The following KMT5B variants were observed in gnomAD, a reference collection of about 807,000 sequenced individuals.
The protein encoded by KMT5B is histone-lysine N-methyltransferase KMT5B.
KMT5B carries 10 observed loss-of-function variants against 83.2 expected under a neutral mutation model. That is an observed-to-expected ratio of 0.12 (90% CI 0.07 to 0.20). KMT5B has a LOEUF of 0.20. KMT5B is among the 10% of genes least tolerant of loss of function. The pLI is 1.00. For synonymous variants in KMT5B, 349 were observed against 388.8 expected (o/e 0.90, Z 1.20); for missense variants, 753 against 1,067.2 (o/e 0.71, Z 4.10).
At chr11:68,211,759 C>T (rs1165246723) in intron 1 of KMT5B, among the ~76,000 whole-genome samples, 1 of 152,098 alleles carries the variant, frequency 6.6e-6, no homozygotes, top group Non-Finnish European at 1.5e-5. Flanking sequence ...CCGGGCAGGG[C>T]ACGGCCGACA....
At chr11:68,200,642 A>T (rs1465800124) in intron 1 of KMT5B, among the ~76,000 whole-genome samples, 2 of 152,208 alleles carry the variant, frequency 1.3e-5, no homozygotes, top group African/African-American at 4.8e-5. Flanking sequence ...AGGTTAGTTA[A>T]TTTGAGAAGG....
chr11:68,162,092 C>T (rs1261976585), intron 10 of KMT5B, among the ~76,000 whole-genome samples: 2 of 152,186 alleles, frequency 1.3e-5, no homozygotes, highest in Admixed American at 6.5e-5. Context: ...CACCATGTGC[C>T]GTGGAGTCCA....
intron 3 of KMT5B, among the ~76,000 whole-genome samples, chr11:68,184,440 A>G (rs1366682119): frequency 6.6e-6 from 1 of 152,222 alleles, no homozygotes; most frequent in Non-Finnish European, 1.5e-5. Context: ...CTTCTTTTGG[A>G]TTTAGACTGT....
rs1197553233 is a variant in KMT5B, at chr11:68,155,527, G to T, written c.*2161C>A. ...TTTTAAGATCGAAATTCCCAAAATA[G>T]CTATCGTTGGTATTCAAATAAGGTT... On this transcript the variant is annotated 3_prime_UTR_variant, in exon 11 of 11. Coordinates refer to ENST00000304363, the MANE Select transcript of KMT5B (RefSeq NM_017635.5). 1 of 152,158 alleles carries T rather than the reference G, an allele frequency of 6.6e-6. No individual in the cohort carries two copies. Among genetic ancestry groups the T allele is most frequent in the Non-Finnish European group, 1.5e-5 (1 of 68,026 alleles). 9.4% of individuals were successfully genotyped at this position (152,158 alleles called of 1,614,324 possible).
intron 1 of KMT5B, among the ~76,000 whole-genome samples, chr11:68,197,335 G>A (rs1858845906): frequency 6.6e-6 from 1 of 152,174 alleles, no homozygotes; most frequent in African/African-American, 2.4e-5. Flanking sequence ...ATTTGGGGAT[G>A]AGGCCCAGCA....
In KMT5B at chr11:68,159,171, G is replaced by C; in HGVS notation, c.1175C>G (p.Thr392Ser). 6.4e-7 allele frequency: 1 copy of C among 1,560,520 alleles called. No individual in the cohort carries two copies. Among genetic ancestry groups the C allele is most frequent in the South Asian group, 1.2e-5 (1 of 81,594 alleles). ...ADTTQEKNNA[T>S]SNRKSSVGVK... The stretch of plus-strand genomic sequence containing the variant: ...GCCAACTGAAGATTTTCGGTTAGAA[G>C]CTGTAAGGTTAAAGAGAAAAAGGTG... The change falls in exon 11 of 11, where the codon ACT becomes AGT. Residue 392 changes from threonine (T) to serine (S), a missense_variant and splice_region_variant. Thr to Ser is a moderately conservative substitution (Grantham distance 58, BLOSUM62 1). Around this residue, in one of 9 missense-constraint regions of KMT5B, gnomAD observed 397 missense variants for 395.9 expected, o/e 1.00. Coordinates refer to ENST00000304363, the MANE Select transcript of KMT5B (RefSeq NM_017635.5).
chr11:68,165,914 T>C (rs768932403), intron 10 of KMT5B: 22 of 1,612,760 alleles, frequency 1.4e-5, no homozygotes, highest in South Asian at 5.5e-5. Context: ...ACATTCACCA[T>C]CATGGGAAAC....
Position 68,171,892 on chromosome 11 carries a change from G to A in KMT5B, c.654-183C>T, listed in dbSNP as rs571331727. ...TCCTACCCTGGAGCTCCACAGCCTT[G>A]TGCCATGGTTACTTGTGTACCTATC... is the stretch of plus-strand genomic sequence containing the variant. On this transcript the variant is annotated intron_variant, in intron 6 of 10. Transcript: ENST00000304363. This position sits in a 1 kb window ranked among gnomAD's most constrained non-coding sequence, Gnocchi z 5.1. Among the ~76,000 whole-genome samples the A allele has an allele frequency of 6.6e-6, 1 of 152,294 alleles. No individual in the cohort carries two copies. Among genetic ancestry groups the A allele is most frequent in the South Asian group, 2.1e-4 (1 of 4,826 alleles).
At chr11:68,197,712 A>C (rs1057392784) in intron 1 of KMT5B, among the ~76,000 whole-genome samples, 2 of 152,316 alleles carry the variant, frequency 1.3e-5, no homozygotes, top group East Asian at 3.9e-4. Flanking sequence ...ACTCAAGGTA[A>C]TTTAATCTAA....
intron 10 of KMT5B, among the ~76,000 whole-genome samples, chr11:68,161,573 A>G (rs1565216592): frequency 6.6e-6 from 1 of 152,190 alleles, no homozygotes; most frequent in Non-Finnish European, 1.5e-5. Context: ...CTCCAATGAG[A>G]CAGCCTTTGG....
chr11:68,175,752 A>C (rs1011320276), intron 4 of KMT5B, among the ~76,000 whole-genome samples: 3 of 152,174 alleles, frequency 2.0e-5, no homozygotes, highest in Non-Finnish European at 4.4e-5. Flanking sequence ...ACCCCAAACT[A>C]AGTATTCCAA....
In KMT5B at chr11:68,158,772, G is replaced by C. The variant is rs1310709928; in HGVS notation, c.1574C>G (p.Ala525Gly). 2.5e-6 allele frequency: 4 copies of C among 1,614,050 alleles called. No homozygotes were observed. The highest frequency in any genetic ancestry group is 1.6e-4 in the Middle Eastern group (1 of 6,084). ...REHRQNPVRG[A>G]HSQGESSPCT... Reference sequence around the variant, plus strand: ...GGGCGAGCTCTCCCCCTGCGAATGAGCACCTCTCACAGGATTCTGTCTGTG... The same window carrying C: ...GGGCGAGCTCTCCCCCTGCGAATGACCACCTCTCACAGGATTCTGTCTGTG... The change falls in exon 11 of 11, where the codon GCT (alanine) becomes GGT (glycine). Residue 525 changes from alanine to glycine, a missense_variant. Ala to Gly is a moderately conservative substitution (Grantham distance 60). Transcript: ENST00000304363.
At chr11:68,203,177 T>C (rs755107698) in intron 1 of KMT5B, among the ~76,000 whole-genome samples, 1 of 151,982 alleles carries the variant, frequency 6.6e-6, no homozygotes, top group Non-Finnish European at 1.5e-5. Context: ...GGTTTCACCA[T>C]GTTGGTCAGG....
intron 1 of KMT5B, among the ~76,000 whole-genome samples, chr11:68,200,426 G>C (rs1487725142): frequency 6.6e-6 from 1 of 152,204 alleles, no homozygotes; most frequent in Non-Finnish European, 1.5e-5. Flanking sequence ...ATGGGCTATT[G>C]CTGATCTGTG....
At position 68,158,853 on chromosome 11, in the gene KMT5B, C is replaced by T. The variant is rs376288301; in HGVS notation, c.1493G>A (p.Gly498Glu). 1.9e-6 allele frequency: 3 copies of T among 1,614,006 alleles called. No individual in the cohort carries two copies. Among genetic ancestry groups the T allele is most frequent in the African/African-American group, 2.7e-5 (2 of 74,922 alleles). The change falls in exon 11 of 11, where the codon GGA (glycine) becomes GAA (glutamate). Residue 498 changes from glycine to glutamate, a missense_variant. This residue lies in a region of KMT5B where 397 missense variants were observed against 395.9 expected (regional missense o/e 1.00). Coordinates refer to ENST00000304363, the MANE Select transcript of KMT5B (RefSeq NM_017635.5). Reference protein sequence around the residue: ...LPIKKDKEPEGPAQAAVASGC... With the variant: ...LPIKKDKEPEEPAQAAVASGC... ...GCTGGCAACTGCGGCTTGGGCTGGT[C>T]CCTCTGGCTCCTTATCTTTTTTAAT...
chr11:68,207,745 C>T (rs1370982327), intron 1 of KMT5B, among the ~76,000 whole-genome samples: 2 of 145,782 alleles, frequency 1.4e-5, no homozygotes, highest in African/African-American at 2.6e-5. Flanking sequence ...GAACCAAGAT[C>T]GTGCCACTGC....
At chr11:68,172,688 G>A (rs1855952742) in intron 6 of KMT5B, among the ~76,000 whole-genome samples, 1 of 152,070 alleles carries the variant, frequency 6.6e-6, no homozygotes, top group African/African-American at 2.4e-5. Flanking sequence ...TCAAGGGCTG[G>A]TGGCTACTGT....
At chr11:68,183,656 G>T (rs1287499961) in intron 3 of KMT5B, among the ~76,000 whole-genome samples, 1 of 144,640 alleles carries the variant, frequency 6.9e-6, no homozygotes, top group Non-Finnish European at 1.5e-5. Flanking sequence ...ACCATGCCCA[G>T]TCCTGTATCT....
intron 1 of KMT5B, among the ~76,000 whole-genome samples, chr11:68,196,699 C>T (rs933138816): frequency 7.3e-4 from 111 of 151,940 alleles, no homozygotes; most frequent in African/African-American, 2.4e-3. Flanking sequence ...CCACCACTAA[C>T]TTCCCTACTG....
Sources: allele counts gnomAD v4.1 joint callset (sites outside exome capture counted in the v4.1 genomes callset), GRCh38; gene constraint gnomAD v4.1.1; regional missense constraint gnomAD v4.1.1; non-coding constraint Gnocchi (gnomAD v3.1); transcripts MANE v1.5; gene names NCBI Gene and HGNC (gene_info 2026-07-23, HGNC 2026-07-21).